FLG: variants seen among roughly 807,000 people sequenced by gnomAD.
The protein encoded by FLG is epidermal filaggrin.
In FLG, 6 loss-of-function variants were observed where a neutral mutation model predicts 3.8. The ratio of observed to expected loss-of-function variants is 1.60; its 90% CI spans 0.87 to 3.15. The LOEUF (loss-of-function observed/expected upper bound fraction) is 3.15. FLG is among the 30% of genes most tolerant of loss of function. FLG has a pLI of 0.00. For missense variants in FLG, 7,595 were observed against 5,050.9 expected (o/e 1.50, Z -15.27); for synonymous variants, 2,551 against 1,931.6 (o/e 1.32, Z -8.41).
rs1477998591 is a variant in FLG, at chr1:152,308,571, T to C, written c.6315A>G (p.Gly2105=). Residue 2105 remains glycine (G), a synonymous_variant, in exon 3 of 3, where the codon GGA becomes GGG. Coordinates refer to ENST00000368799, the MANE Select transcript of FLG (RefSeq NM_002016.2). ...TTCCTCCAGTGCTGGGCGCAGACTG[T>C]CCATGGGTGGACTCAGACTGTTCAT... ...STHEQSESTH[G]QSAPSTGGRQ... 1.2e-6 allele frequency: 2 copies of C among 1,614,050 alleles called. No individual in the cohort carries two copies. Among genetic ancestry groups the C allele is most frequent in the East Asian group, 2.2e-5 (1 of 44,876 alleles).
chr1:152,316,882 C>T (rs1407243205), intron 1 of FLG, among the ~76,000 whole-genome samples: 1 of 152,074 alleles, frequency 6.6e-6, no homozygotes, highest in Non-Finnish European at 1.5e-5. Context: ...TTTCTTATAC[C>T]CACTGGCCAA....
Position 152,313,992 on chromosome 1 carries a change from G to T in FLG, c.894C>A (p.Ser298Arg), listed in dbSNP as rs142295770. Residue 298 changes from serine (S) to arginine (R), a missense_variant, in exon 3 of 3, where the codon AGC becomes AGA. Transcript: ENST00000368799. Reference protein sequence around the residue: ...RTRKRRGSRVSQDRDSEGHSE... With the variant: ...RTRKRRGSRVRQDRDSEGHSE... Reference sequence around the variant, plus strand: ...AGTGTCCCTCACTGTCCCTGTCCTGGCTAACTCTGGATCCCCTACGCTTTC... The same window carrying T: ...AGTGTCCCTCACTGTCCCTGTCCTGTCTAACTCTGGATCCCCTACGCTTTC... The T allele has an allele frequency of 1.1e-5, 18 of 1,614,046 alleles. No individual in the cohort carries two copies. Among genetic ancestry groups the T allele is most frequent in the Non-Finnish European group, 1.5e-5 (18 of 1,180,038 alleles).
rs773978032 is a variant in FLG at position 152,310,507 on chromosome 1, G to C, written c.4379C>G (p.Pro1460Arg). 8 of 1,613,720 alleles carry C rather than the reference G, an allele frequency of 5.0e-6. No individual in the cohort carries two copies. The highest frequency in any genetic ancestry group is 6.8e-6 in the Non-Finnish European group (8 of 1,179,932). Residue 1460 changes from proline to arginine, a missense_variant, in exon 3 of 3, where the codon CCC becomes CGC. By Grantham distance (103) the Pro-to-Arg change is moderately radical. Transcript: ENST00000368799. ...GGATCCTTGTCTTCCTCCAGTGCTG[G>C]GTGCAGTCTGTCCGTGTGTGGACTC... ...QSESTHGQTA[P>R]STGGRQGSRH...
At position 152,308,533 on chromosome 1, in the gene FLG, T is replaced by A. The variant is rs759263160; in HGVS notation, c.6353A>T (p.His2118Leu). 5.0e-6 allele frequency: 8 copies of A among 1,613,598 alleles called. No individual in the cohort carries two copies. In the South Asian group the frequency reaches 8.8e-5, roughly 18 times the overall value. ...GGAGCTGTCTTGTGCCTGATCATAATGGGATCCTTGTCTTCCTCCAGTGCT... is the reference window on the plus strand; with the variant it reads ...GGAGCTGTCTTGTGCCTGATCATAAAGGGATCCTTGTCTTCCTCCAGTGCT... ...APSTGGRQGS[H>L]YDQAQDSSRH... The change falls in exon 3 of 3, where the codon CAT (histidine) becomes CTT (leucine). Residue 2118 changes from histidine (H) to leucine (L), a missense_variant. Transcript: ENST00000368799.
Position 152,310,551 on chromosome 1 carries a change from C to T in FLG, c.4335G>A (p.Val1445=). Residue 1445 remains valine, a synonymous_variant, in exon 3 of 3, where the codon GTG becomes GTA. Transcript: ENST00000368799. Reference sequence around the variant, plus strand: ...TGGACTCAGACTGTTCATGAGAGCTCACCTGGTAGAGGAAAGACCTTGAAC... The same window carrying T: ...TGGACTCAGACTGTTCATGAGAGCTTACCTGGTAGAGGAAAGACCTTGAAC... ...SGRSRSFLYQ[V]SSHEQSESTH... The T allele has an allele frequency of 1.2e-6, 2 of 1,613,750 alleles. No individual in the cohort carries two copies. Among genetic ancestry groups the T allele is most frequent in the East Asian group, 2.2e-5 (1 of 44,834 alleles).
At position 152,309,899 on chromosome 1, in the gene FLG, C is replaced by T; in HGVS notation, c.4987G>A (p.Gly1663Ser). The change falls in exon 3 of 3, where the codon GGT becomes AGT. Residue 1663 changes from glycine (G) to serine (S), a missense_variant. Transcript: ENST00000368799. ...SGTRHAETSS[G>S]GQAASSQEQA... Reference sequence around the variant, plus strand: ...TCCTGGGATGATGCAGCCTGTCCACCAGAGGAAGTCTCTGCATGACGAGTG... The same window carrying T: ...TCCTGGGATGATGCAGCCTGTCCACTAGAGGAAGTCTCTGCATGACGAGTG... 6.2e-7 allele frequency: 1 copy of T among 1,614,002 alleles called. No homozygotes were observed.
chr1:152,308,597 G>A lies in FLG; in HGVS notation c.6289C>T (p.His2097Tyr). The part of the protein sequence containing the change: ...SGSFLYQVST[H>Y]EQSESTHGQS... Reference sequence around the variant, plus strand: ...CCATGGGTGGACTCAGACTGTTCATGAGTGCTCACCTGGTAGAGGAAAGAC... The same window carrying A: ...CCATGGGTGGACTCAGACTGTTCATAAGTGCTCACCTGGTAGAGGAAAGAC... Residue 2097 changes from histidine to tyrosine, a missense_variant, in exon 3 of 3, where the codon CAT becomes TAT. Coordinates refer to ENST00000368799, the MANE Select transcript of FLG (RefSeq NM_002016.2). 3 of 1,614,132 alleles carry A rather than the reference G, an allele frequency of 1.9e-6. No individual in the cohort carries two copies. The highest frequency in any genetic ancestry group is 1.7e-5 in the Admixed American group (1 of 60,028).
rs1355491666 is a variant in FLG at position 152,311,537 on chromosome 1, A to G, written c.3349T>C (p.Phe1117Leu). The change falls in exon 3 of 3, where the codon TTC becomes CTC. Residue 1117 changes from phenylalanine (F) to leucine (L), a missense_variant. Phe to Leu is a conservative substitution (Grantham distance 22). Coordinates refer to ENST00000368799, the MANE Select transcript of FLG (RefSeq NM_002016.2). Reference sequence around the variant, plus strand: ...TCATGAGTGCTCACCTGGTAGATGAAAGACCCTGAACGTCCAGACCTTCCC... The same window carrying G: ...TCATGAGTGCTCACCTGGTAGATGAGAGACCCTGAACGTCCAGACCTTCCC... ...SGGRSGRSGS[F>L]IYQVSTHEQS... The G allele has an allele frequency of 6.2e-7, 1 of 1,613,492 alleles. No homozygotes were observed. Among genetic ancestry groups the G allele is most frequent in the South Asian group, 1.1e-5 (1 of 91,038 alleles).
Position 152,307,070 on chromosome 1 carries a change from G to C in FLG, c.7816C>G (p.Pro2606Ala), listed in dbSNP as rs745668000. The stretch of plus-strand genomic sequence containing the variant: ...GCTCTGTCTTCTTGATGGGACCTGG[G>C]GTGTCTGGAGCCATCTCTTAGCTGC... ...QEQLRDGSRH[P>A]RSHQEDRAGH... The change falls in exon 3 of 3, where the codon CCC becomes GCC. Residue 2606 changes from proline (P) to alanine (A), a missense_variant. Pro to Ala is a conservative substitution (Grantham distance 27). Coordinates refer to ENST00000368799, the MANE Select transcript of FLG (RefSeq NM_002016.2). 13 of 1,608,580 alleles carry C rather than the reference G, an allele frequency of 8.1e-6. No homozygotes were observed. The African/African-American group carries it at 1.7e-4, about 21-fold the overall frequency.
chr1:152,321,830 T>G lies in FLG; in HGVS notation c.-22+3359A>C, dbSNP rs562615533. 5.9e-5 allele frequency among the ~76,000 whole-genome samples: 9 copies of G among 151,294 alleles called. No homozygotes were observed. The South Asian group carries it at 1.9e-3, about 31-fold the overall frequency. ...TTAATCCAAACTGGCCTCAGTACCATAACCTGACAACGATATAAGAATCAA... is the reference window on the plus strand; with the variant it reads ...TTAATCCAAACTGGCCTCAGTACCAGAACCTGACAACGATATAAGAATCAA... On this transcript the variant is annotated intron_variant, in intron 1 of 2. Coordinates refer to ENST00000368799, the MANE Select transcript of FLG (RefSeq NM_002016.2).
intron 1 of FLG, 113 bp from the exon 2 acceptor site, chr1:152,315,590 T>TTCTTA: frequency 1.3e-6 from 1 of 772,164 alleles, no homozygotes. Flanking sequence ...AATCCATCTT[T>TTCTTA]AAGAATGGAA....
rs372206853 is a variant in FLG, at chr1:152,303,559, T to C, written c.11327A>G (p.Gln3776Arg). 10 of 1,613,936 alleles carry C rather than the reference T, an allele frequency of 6.2e-6. No homozygotes were observed. The highest frequency in any genetic ancestry group is 7.6e-6 in the Non-Finnish European group (9 of 1,180,022). Residue 3776 changes from glutamine to arginine, a missense_variant, in exon 3 of 3, where the codon CAA (glutamine) becomes CGA (arginine). Physicochemically the swap from Gln to Arg is conservative, Grantham distance 43. Transcript: ENST00000368799. Reference protein sequence around the residue: ...RGGRQGSYHEQSVDRSGHSGS... With the variant: ...RGGRQGSYHERSVDRSGHSGS... ...TGAGTGTCCAGACCTATCTACCGAT[T>C]GCTCGTGGTAGGATCCCTGTCTTCC... is the stretch of plus-strand genomic sequence containing the variant.
chr1:152,308,682 AT>A lies in FLG; in HGVS notation c.6203del (p.His2068LeufsTer27). ...SVSAQGKAGP[H>X]QQSHKESARG... The stretch of plus-strand genomic sequence containing the variant: ...GTGCGGACTCTTTGTGGCTCTGCTG[AT>A]GGGGCCCAGCTTTTCCCTGTGCTGA... On this transcript the variant is annotated frameshift_variant, in exon 3 of 3. Transcript: ENST00000368799. LOFTEE classifies it low-confidence loss of function (END_TRUNC). 6.2e-7 allele frequency: 1 copy of A among 1,614,020 alleles called. No homozygotes were observed. Among genetic ancestry groups the A allele is most frequent in the Non-Finnish European group, 8.5e-7 (1 of 1,179,982 alleles).
At position 152,308,230 on chromosome 1, in the gene FLG, C is replaced by T. The variant is rs1370441148; in HGVS notation, c.6656G>A (p.Ser2219Asn). The part of the protein sequence containing the change: ...HHHEASSWAD[S>N]SRHSLVGQGQ... The stretch of plus-strand genomic sequence containing the variant: ...CTGGCCCACCAGTGAGTGTCTAGAG[C>T]TGTCGGCCCAAGAGGAAGCTTCATG... Residue 2219 changes from serine (S) to asparagine (N), a missense_variant, in exon 3 of 3, where the codon AGC becomes AAC. Coordinates refer to ENST00000368799, the MANE Select transcript of FLG (RefSeq NM_002016.2). 6.2e-7 allele frequency: 1 copy of T among 1,613,994 alleles called. No individual in the cohort carries two copies. The highest frequency in any genetic ancestry group is 8.5e-7 in the Non-Finnish European group (1 of 1,179,932).
rs770404506 is a variant in FLG at position 152,315,498 on chromosome 1, T to C, written c.-21-21A>G. The C allele has an allele frequency of 2.5e-6, 4 of 1,579,642 alleles. No individual in the cohort carries two copies. In the South Asian group the frequency reaches 4.6e-5, roughly 18 times the overall value. On this transcript the variant is annotated intron_variant, in intron 1 of 2. Coordinates refer to ENST00000368799, the MANE Select transcript of FLG (RefSeq NM_002016.2). The stretch of plus-strand genomic sequence containing the variant: ...TGAACCTAGAAAGAAGAAATGAAAA[T>C]GCACTTTTTTATACATCTTTTTTTC...
rs1425893947 is a variant in FLG at position 152,311,291 on chromosome 1, T to G, written c.3595A>C (p.Thr1199Pro). Residue 1199 changes from threonine to proline, a missense_variant, in exon 3 of 3, where the codon ACA becomes CCA. Thr to Pro is a conservative substitution (Grantham distance 38). Coordinates refer to ENST00000368799, the MANE Select transcript of FLG (RefSeq NM_002016.2). ...GAGGCATCAGACCTTCCCTGGGATG[T>G]GGTGTGGCTGTGATGGGACCCTGAG... ...GHSGSHHSHT[T>P]SQGRSDASHG... 6.2e-7 allele frequency: 1 copy of G among 1,613,864 alleles called. No homozygotes were observed. Among genetic ancestry groups the G allele is most frequent in the Admixed American group, 1.7e-5 (1 of 59,984 alleles).
At chr1:152,314,772 G>A (rs1228879973) in intron 2 of FLG, 25 bp from the exon 3 acceptor site, 2 of 1,613,622 alleles carry the variant, frequency 1.2e-6, no homozygotes, top group Non-Finnish European at 8.5e-7. Flanking sequence ...GTCACAGAGG[G>A]AGACTGCATC....
In FLG at chr1:152,302,578, G is replaced by A. The variant is rs1651675916; in HGVS notation, c.*122C>T. On this transcript the variant is annotated 3_prime_UTR_variant, in exon 3 of 3. Coordinates refer to ENST00000368799, the MANE Select transcript of FLG (RefSeq NM_002016.2). The stretch of plus-strand genomic sequence containing the variant: ...ACCACCAAACTAATGAAATACTATA[G>A]CATATTTTAAACAGATTGACAGGAA... The A allele has an allele frequency of 8.0e-7, 1 of 1,250,558 alleles. No homozygotes were observed. Among genetic ancestry groups the A allele is most frequent in the Non-Finnish European group, 1.1e-6 (1 of 908,058 alleles). 77.5% of individuals were successfully genotyped at this position (1,250,558 alleles called of 1,614,324 possible). A position where few individuals can be genotyped will look rare whatever the true frequency, so the allele number is the denominator to read the frequency against.
At chr1:152,319,328 G>A (rs71626709) in intron 1 of FLG, among the ~76,000 whole-genome samples, 2,674 of 151,444 alleles carry the variant, frequency 0.018, 45 homozygotes, top group South Asian at 0.059. Flanking sequence ...GTGTGTGTGT[G>A]TGTGTGTGTG....
Sources: gnomAD v4.1 joint callset for allele counts (sites outside exome capture counted in the v4.1 genomes callset) on GRCh38, gnomAD v4.1.1 for gene constraint, MANE v1.5 for transcripts, NCBI Gene and HGNC (gene_info 2026-07-23, HGNC 2026-07-21) for gene names.